The following CTNND2 variants were observed in gnomAD, a reference collection of about 807,000 sequenced individuals.
CTNND2 encodes catenin delta 2.
Under a neutral mutation model 144.4 loss-of-function variants are expected in CTNND2, and 22 were observed. That is an observed-to-expected ratio of 0.15 (90% confidence interval 0.11 to 0.22). The LOEUF is 0.22. Ranked by LOEUF, CTNND2 falls within the 10% of genes least tolerant of loss-of-function variation. The pLI, the probability that CTNND2 is intolerant of heterozygous loss-of-function variation, is 1.00. For missense variants in CTNND2, 1,353 were observed against 1,618.8 expected (o/e 0.84, Z 2.82); for synonymous variants, 751 against 695.6 (o/e 1.08, Z -1.25).
At chr5:11,819,956 G>A (rs576100961) in intron 1 of CTNND2, among the ~76,000 whole-genome samples, 2 of 152,290 alleles carry the variant, frequency 1.3e-5, no homozygotes, top group Non-Finnish European at 2.9e-5. Context: ...GCCCTCAGGA[G>A]CACTCAGCCT....
intron 1 of CTNND2, among the ~76,000 whole-genome samples, chr5:11,790,404 T>C (rs1197238507): frequency 6.6e-6 from 1 of 151,756 alleles, no homozygotes; most frequent in Non-Finnish European, 1.5e-5. Flanking sequence ...GAGGTGTAGA[T>C]TGAGCATGGG....
chr5:11,254,364 G>A (rs1305606724), intron 9 of CTNND2, among the ~76,000 whole-genome samples: 7 of 152,154 alleles, frequency 4.6e-5, no homozygotes, highest in South Asian at 2.1e-4. Context: ...CACACATCCA[G>A]GTAAAGGAAG....
At chr5:11,884,690 G>C (rs1736388687) in intron 1 of CTNND2, among the ~76,000 whole-genome samples, 1 of 151,772 alleles carries the variant, frequency 6.6e-6, no homozygotes. Context: ...AGAAGTATCA[G>C]TACTATCTTG....
At chr5:11,897,677 A>C (rs1295902710) in intron 1 of CTNND2, among the ~76,000 whole-genome samples, 1 of 152,200 alleles carries the variant, frequency 6.6e-6, no homozygotes, top group Non-Finnish European at 1.5e-5. Flanking sequence ...AATCTGCTGA[A>C]TTTCATGGAC....
chr5:11,682,514 A>G (rs1784460245), intron 2 of CTNND2, among the ~76,000 whole-genome samples: 2 of 152,200 alleles, frequency 1.3e-5, no homozygotes, highest in African/African-American at 2.4e-5. Flanking sequence ...TACTGGAAGG[A>G]TATTTCTTTG....
intron 11 of CTNND2, among the ~76,000 whole-genome samples, chr5:11,190,842 T>C (rs1333241917): frequency 1.3e-5 from 2 of 152,198 alleles, no homozygotes; most frequent in Non-Finnish European, 2.9e-5. Flanking sequence ...TAGAAGAGAA[T>C]GGTAGAAAAG....
chr5:11,346,841 T>TG lies in CTNND2; in HGVS notation c.1373-215dup, dbSNP rs1754844950. On this transcript the variant is annotated intron_variant, in intron 8 of 21. Transcript: ENST00000304623. ...GCCTAAGAGACAAACCTTTCAGGTA[T>TG]GGGGGGAATGCATCTGTTGTGTGTA... is the stretch of plus-strand genomic sequence containing the variant. Among the ~76,000 whole-genome samples, 10 of 152,242 alleles carry TG rather than the reference T, an allele frequency of 6.6e-5. No individual in the cohort carries two copies. In the South Asian group the frequency reaches 2.1e-3, roughly 32 times the overall value.
intron 5 of CTNND2, among the ~76,000 whole-genome samples, chr5:11,405,612 T>C (rs923998252): frequency 1.3e-5 from 2 of 151,640 alleles, no homozygotes; most frequent in African/African-American, 4.8e-5. Flanking sequence ...AAACACCAGC[T>C]GAGAAACAGG....
intron 11 of CTNND2, among the ~76,000 whole-genome samples, chr5:11,188,766 C>T (rs1250073559): frequency 6.6e-6 from 1 of 152,138 alleles, no homozygotes; most frequent in Non-Finnish European, 1.5e-5. Context: ...AGAAGGGTTT[C>T]TGAAGACTCT....
In CTNND2 at chr5:11,254,870, C is replaced by T. The variant is rs1217601452; in HGVS notation, c.1629-18047G>A. 2.0e-5 allele frequency among the ~76,000 whole-genome samples: 3 copies of T among 152,248 alleles called. No homozygotes were observed. The South Asian group carries it at 6.2e-4, about 32-fold the overall frequency. On this transcript the variant is annotated intron_variant, in intron 9 of 21. Coordinates refer to ENST00000304623, the MANE Select transcript of CTNND2 (RefSeq NM_001332.4). ...AAACCGTGGTGTATACTATATTATG[C>T]ACATTTTGATAGCCCAGAACATAAA...
At chr5:11,165,145 A>G (rs1376264843) in intron 11 of CTNND2, among the ~76,000 whole-genome samples, 2 of 152,262 alleles carry the variant, frequency 1.3e-5, no homozygotes, top group African/African-American at 4.8e-5. Context: ...TTCACAAATA[A>G]TAAATCCAAA....
At chr5:11,651,791 G>A (rs972925541) in intron 2 of CTNND2, among the ~76,000 whole-genome samples, 2 of 152,110 alleles carry the variant, frequency 1.3e-5, no homozygotes, top group African/African-American at 4.8e-5. Context: ...TCTTTGTTTT[G>A]GCTGATTTCT....
intron 3 of CTNND2, among the ~76,000 whole-genome samples, chr5:11,504,526 A>G (rs1300800118): frequency 6.6e-6 from 1 of 152,090 alleles, no homozygotes; most frequent in African/African-American, 2.4e-5. Context: ...CCGCCTGACA[A>G]TTCTTTCCCT....
chr5:11,391,664 A>G (rs1037235030), intron 6 of CTNND2, among the ~76,000 whole-genome samples: 1 of 152,258 alleles, frequency 6.6e-6, no homozygotes, highest in Non-Finnish European at 1.5e-5. Context: ...TTTGTCAATA[A>G]CTAAATAAAA....
At chr5:11,721,506 C>T (rs1015397335) in intron 2 of CTNND2, among the ~76,000 whole-genome samples, 15 of 152,182 alleles carry the variant, frequency 9.9e-5, no homozygotes, top group African/African-American at 3.1e-4. Flanking sequence ...GTGTAACAAA[C>T]CACCTCAAGA....
At chr5:11,542,361 T>G (rs930505080) in intron 3 of CTNND2, among the ~76,000 whole-genome samples, 3 of 152,220 alleles carry the variant, frequency 2.0e-5, no homozygotes, top group African/African-American at 7.2e-5. Context: ...GCTCATTTTC[T>G]GGGTAAATTC....
At chr5:11,751,785 G>A (rs568712119) in intron 1 of CTNND2, among the ~76,000 whole-genome samples, 4 of 151,926 alleles carry the variant, frequency 2.6e-5, no homozygotes, top group African/African-American at 4.8e-5. Flanking sequence ...TTGGGAAATC[G>A]CCACACTGCT....
chr5:11,156,455 T>C (rs563678594), intron 12 of CTNND2, among the ~76,000 whole-genome samples: 11 of 152,314 alleles, frequency 7.2e-5, no homozygotes, highest in African/African-American at 2.6e-4. Flanking sequence ...TTCTGCTGGA[T>C]TTCCAAGCTA....
At chr5:11,240,631 TACAC>T (rs1189422382) in intron 9 of CTNND2, among the ~76,000 whole-genome samples, 1 of 92,456 alleles carries the variant, frequency 1.1e-5, no homozygotes. Flanking sequence ...CAGACGTACA[TACAC>T]ACCAAACATA....
Sources: gnomAD v4.1 joint callset for allele counts (sites outside exome capture counted in the v4.1 genomes callset) on GRCh38, gnomAD v4.1.1 for gene constraint, MANE v1.5 for transcripts, NCBI Gene and HGNC (gene_info 2026-07-23, HGNC 2026-07-21) for gene names.